The following MTA1 variants were observed in gnomAD, a reference collection of about 807,000 sequenced individuals.
MTA1 encodes metastasis-associated protein MTA1.
MTA1 carries 15 observed loss-of-function variants against 97.0 expected under a neutral mutation model. The observed-to-expected ratio is 0.15, with a 90% CI of 0.10 to 0.24. MTA1 has a LOEUF of 0.24. MTA1 is among the 10% of genes least tolerant of loss of function. MTA1 has a pLI of 1.00. For missense variants in MTA1, 709 were observed against 1,015.1 expected (o/e 0.70, Z 4.10); for synonymous variants, 435 against 417.5 (o/e 1.04, Z -0.51).
intron 18 of MTA1, chr14:105,467,431 G>T: frequency 2.2e-6 from 1 of 455,960 alleles, no homozygotes; most frequent in South Asian, 1.5e-5. Flanking sequence ...GGTGGATATG[G>T]GTAGTGGCTG....
intron 2 of MTA1, among the ~76,000 whole-genome samples, chr14:105,443,253 T>C (rs2082604219): frequency 6.6e-6 from 1 of 152,124 alleles, no homozygotes; most frequent in Non-Finnish European, 1.5e-5. Context: ...AGTGAGCAGA[T>C]ACAGATGCGA....
rs587605442 is a variant in MTA1 at position 105,461,469 on chromosome 14, T to A, written c.942+516T>A. ...CCCACCCTCCAACCGTCAGCCCTCC[T>A]AAAATACTTCTAAATTAATCTGTTA... On this transcript the variant is annotated intron_variant, in intron 10 of 20. Coordinates refer to ENST00000331320, the MANE Select transcript of MTA1 (RefSeq NM_004689.4). 1.1e-4 allele frequency among the ~76,000 whole-genome samples: 17 copies of A among 152,236 alleles called. No individual in the cohort carries two copies. In the South Asian group the frequency reaches 3.5e-3, roughly 32 times the overall value.
In MTA1 at chr14:105,464,256, A is replaced by C. The variant is rs1011188358; in HGVS notation, c.1192+109A>C. 7 of 1,397,668 alleles carry C rather than the reference A, an allele frequency of 5.0e-6. No homozygotes were observed. The East Asian group carries it at 1.8e-4, about 35-fold the overall frequency. The allele number at this position is 1,397,668 out of a possible 1,614,324, so 86.6% of individuals were successfully genotyped here. ...GGCCCAGCCTGCAAGGGGCCCACTGACGATGGGGGCTGCGTCCCAGGGGTG... is the reference window on the plus strand; with the variant it reads ...GGCCCAGCCTGCAAGGGGCCCACTGCCGATGGGGGCTGCGTCCCAGGGGTG... On this transcript the variant is annotated intron_variant, in intron 13 of 20. Coordinates refer to ENST00000331320, the MANE Select transcript of MTA1 (RefSeq NM_004689.4).
Position 105,436,224 on chromosome 14 carries a change from G to A in MTA1, c.29-2448G>A, listed in dbSNP as rs147747945. On this transcript the variant is annotated intron_variant, in intron 1 of 20. Coordinates refer to ENST00000331320, the MANE Select transcript of MTA1 (RefSeq NM_004689.4). Reference sequence around the variant, plus strand: ...GCGGAGGTTGCAGTGAGCTGAGATCGCTCCATTGCACTCCATCCAGCCTGG... The same window carrying A: ...GCGGAGGTTGCAGTGAGCTGAGATCACTCCATTGCACTCCATCCAGCCTGG... Among the ~76,000 whole-genome samples, 439 of 152,252 alleles carry A rather than the reference G, an allele frequency of 2.9e-3. 4 individuals carry two copies. The highest frequency in any genetic ancestry group is 9.5e-3 in the African/African-American group (393 of 41,556).
At chr14:105,443,320 C>T (rs2141520381) in intron 2 of MTA1, among the ~76,000 whole-genome samples, 1 of 152,312 alleles carries the variant, frequency 6.6e-6, no homozygotes, top group Admixed American at 6.5e-5. Context: ...GAACGCCCGG[C>T]TCCCGGCAGG....
intron 1 of MTA1, among the ~76,000 whole-genome samples, chr14:105,432,983 A>G (rs2082222091): frequency 6.6e-6 from 1 of 152,094 alleles, no homozygotes; most frequent in South Asian, 2.1e-4. Flanking sequence ...AAGCGATTGG[A>G]CTGTAGCGTA....
At chr14:105,441,148 C>T (rs587776014) in intron 2 of MTA1, among the ~76,000 whole-genome samples, 1 of 152,224 alleles carries the variant, frequency 6.6e-6, no homozygotes, top group Non-Finnish European at 1.5e-5. Flanking sequence ...CTTCCCTGGG[C>T]TGGAGCAGTG....
rs375115307 is a variant in MTA1 at position 105,463,294 on chromosome 14, C to T, written c.1017+36C>T. 4.0e-5 allele frequency: 64 copies of T among 1,606,608 alleles called. No individual in the cohort carries two copies. Among genetic ancestry groups the T allele is most frequent in the Middle Eastern group, 1.7e-4 (1 of 6,052 alleles). On this transcript the variant is annotated intron_variant, in intron 11 of 20. Transcript: ENST00000331320. The surrounding 1 kb of genome is among the most constrained non-coding windows in gnomAD (Gnocchi z 5.9). The stretch of plus-strand genomic sequence containing the variant: ...CCGCCACTCAGTGCCCGGGGTGTGC[C>T]GCCTCCCCGTCCTGCGCCCCATCCT...
chr14:105,446,491 T>A (rs1595348844), intron 3 of MTA1, among the ~76,000 whole-genome samples: 1 of 151,916 alleles, frequency 6.6e-6, no homozygotes, highest in Admixed American at 6.5e-5. Flanking sequence ...GTGGGTCGGG[T>A]GGGAGGACCC....
intron 1 of MTA1, among the ~76,000 whole-genome samples, chr14:105,428,531 G>A (rs2082079775): frequency 6.6e-6 from 1 of 152,102 alleles, no homozygotes; most frequent in Non-Finnish European, 1.5e-5. Context: ...GACTCCCATA[G>A]TGCTGAGGTA....
chr14:105,464,183 C>T, intron 13 of MTA1, 36 bp downstream of exon 13: 1 of 1,584,086 alleles, frequency 6.3e-7, no homozygotes, highest in East Asian at 2.2e-5. Context: ...ACACCGCACG[C>T]CCGCCTGTGG....
chr14:105,467,159 A>G lies in MTA1; in HGVS notation c.1813+417A>G, dbSNP rs373478562. The stretch of plus-strand genomic sequence containing the variant: ...GGGGTGTCTGTGTGGGCCGTGGGCA[A>G]CTGAGCTTGTACACATGGGTGCCTT... On this transcript the variant is annotated intron_variant, in intron 18 of 20. Transcript: ENST00000331320. The G allele has an allele frequency of 1.8e-3, 670 of 362,918 alleles. 6 individuals carry two copies. The highest frequency in any genetic ancestry group is 0.013 in the African/African-American group (612 of 46,472). The allele number at this position is 362,918 out of a possible 1,614,324, so 22.5% of individuals were successfully genotyped here. A position where few individuals can be genotyped will look rare whatever the true frequency, so the allele number is the denominator to read the frequency against.
chr14:105,458,743 C>A lies in MTA1; in HGVS notation c.653+371C>A, dbSNP rs587609329. The stretch of plus-strand genomic sequence containing the variant: ...GCCCGGGCAGACCCCTGGGGCAGGG[C>A]GAAGGCCGAGGCCCAGGAGAGGACC... On this transcript the variant is annotated intron_variant, in intron 8 of 20. Coordinates refer to ENST00000331320, the MANE Select transcript of MTA1 (RefSeq NM_004689.4). Among the ~76,000 whole-genome samples, 6 of 152,326 alleles carry A rather than the reference C, an allele frequency of 3.9e-5. No homozygotes were observed. In the East Asian group the frequency reaches 9.7e-4, roughly 25 times the overall value.
rs587768865 is a variant in MTA1, at chr14:105,464,571, A to AG, written c.1344+12dup. 6.7e-4 allele frequency: 1,076 copies of AG among 1,610,984 alleles called. 6 individuals carry two copies. The African/African-American group carries it at 0.011, about 16-fold the overall frequency. Reference sequence around the variant, plus strand: ...AGGACCAAACCGCAGTAACATGGTAAGGGGGGGGACACCCGCCCTGCCTGC... The same window carrying AG: ...AGGACCAAACCGCAGTAACATGGTAAGGGGGGGGGACACCCGCCCTGCCTGC... On this transcript the variant is annotated splice_donor_region_variant and intron_variant, in intron 14 of 20. Coordinates refer to ENST00000331320, the MANE Select transcript of MTA1 (RefSeq NM_004689.4).
rs1555431469 is a variant in MTA1, at chr14:105,463,219, C to T, written c.978C>T (p.Tyr326=). ...PWKSLTSIIE[Y]YYMWKTTDRY... is the part of the protein sequence containing the mutation. Reference sequence around the variant, plus strand: ...AGTCGCTGACCAGCATCATTGAGTACTACTACATGTGGAAGACCACCGACA... The same window carrying T: ...AGTCGCTGACCAGCATCATTGAGTATTACTACATGTGGAAGACCACCGACA... The change falls in exon 11 of 21, where the codon TAC becomes TAT. Residue 326 remains tyrosine, a synonymous_variant. Transcript: ENST00000331320. The surrounding 1 kb of genome is among the most constrained non-coding windows in gnomAD (Gnocchi z 5.9). 2 of 1,611,302 alleles carry T rather than the reference C, an allele frequency of 1.2e-6. No individual in the cohort carries two copies. The highest frequency in any genetic ancestry group is 2.2e-5 in the South Asian group (2 of 91,050).
At chr14:105,440,807 G>A (rs1366655122) in intron 2 of MTA1, among the ~76,000 whole-genome samples, 3 of 152,258 alleles carry the variant, frequency 2.0e-5, no homozygotes, top group Non-Finnish European at 2.9e-5. Context: ...GACAGAGTGC[G>A]GCCAGTGCCC....
In MTA1 at chr14:105,458,349, C is replaced by A; in HGVS notation, c.630C>A (p.Ile210=). The stretch of plus-strand genomic sequence containing the variant: ...ACAACCCACTCACAGACAAGCAGAT[C>A]GACCAGTTCCTGGTGGTGGCCCGGT... ...EAHNPLTDKQ[I]DQFLVVARSV... The change falls in exon 8 of 21, where the codon ATC becomes ATA. Residue 210 remains isoleucine (I), a synonymous_variant. Transcript: ENST00000331320. The A allele has an allele frequency of 6.2e-7, 1 of 1,612,742 alleles. No individual in the cohort carries two copies. The highest frequency in any genetic ancestry group is 8.5e-7 in the Non-Finnish European group (1 of 1,179,940).
In MTA1 at chr14:105,422,754, T is replaced by G. The variant is rs587719328; in HGVS notation, c.28+2691T>G. On this transcript the variant is annotated intron_variant, in intron 1 of 20. Coordinates refer to ENST00000331320, the MANE Select transcript of MTA1 (RefSeq NM_004689.4). The surrounding 1 kb of genome is among the most constrained non-coding windows in gnomAD (Gnocchi z 4.3). ...CAGGTTGGGCTAGGCAGGGTGAAGGTGTGGTGGCAGTATTTTTGTGCCAGC... is the reference window on the plus strand; with the variant it reads ...CAGGTTGGGCTAGGCAGGGTGAAGGGGTGGTGGCAGTATTTTTGTGCCAGC... Among the ~76,000 whole-genome samples, 2 of 151,922 alleles carry G rather than the reference T, an allele frequency of 1.3e-5. No homozygotes were observed. The highest frequency in any genetic ancestry group is 2.9e-5 in the Non-Finnish European group (2 of 67,950).
chr14:105,464,334 C>G, intron 13 of MTA1, 82 bp from the exon 14 acceptor site: 5 of 1,558,864 alleles, frequency 3.2e-6, no homozygotes, highest in East Asian at 2.3e-5. Context: ...GTGGGGGCGG[C>G]CGGCGTGGGG....
Sources: gnomAD v4.1 joint callset for allele counts (sites outside exome capture counted in the v4.1 genomes callset) on GRCh38, gnomAD v4.1.1 for gene constraint, Gnocchi (gnomAD v3.1) non-coding constraint, MANE v1.5 for transcripts, NCBI Gene and HGNC (gene_info 2026-07-23, HGNC 2026-07-21) for gene names.